Variants in PRRC2C observed in about 807,000 individuals in gnomAD.
PRRC2C encodes protein PRRC2C.
PRRC2C carries 72 observed loss-of-function variants against 317.2 expected under a neutral mutation model. That is an observed-to-expected ratio of 0.23 (90% CI 0.19 to 0.28). The LOEUF (loss-of-function observed/expected upper bound fraction) is 0.28, where lower values mean the gene tolerates loss of function less well. Ranked by LOEUF, PRRC2C falls within the 10% of genes least tolerant of loss-of-function variation. The pLI is 1.00. For synonymous variants in PRRC2C, 1,296 were observed against 1,205.9 expected (o/e 1.07, Z -1.55); for missense variants, 3,074 against 3,459.7 (o/e 0.89, Z 2.80).
In PRRC2C at chr1:171,566,407, A is replaced by G. The variant is rs936135394; in HGVS notation, c.6292A>G (p.Ile2098Val). 49 of 1,575,828 alleles carry G rather than the reference A, an allele frequency of 3.1e-5. No homozygotes were observed. The highest frequency in any genetic ancestry group is 4.0e-5 in the Non-Finnish European group (46 of 1,160,446). ...GCAGAAGCAGCCACGAGCAGGACCT[A>G]TCAAAGCCCAGAAGGTAAATATACT... Reference protein sequence around the residue: ...QRQKQPRAGPIKAQKLPDLSP... With the variant: ...QRQKQPRAGPVKAQKLPDLSP... The change falls in exon 21 of 35, where the codon ATC (isoleucine) becomes GTC (valine). Residue 2098 changes from isoleucine (I) to valine (V), a missense_variant. By Grantham distance (29) the Ile-to-Val change is conservative. Coordinates refer to ENST00000647382, the MANE Select transcript of PRRC2C (RefSeq NM_001387844.1).
At chr1:171,553,078 A>G (rs951007589) in intron 18 of PRRC2C, among the ~76,000 whole-genome samples, 1 of 152,148 alleles carries the variant, frequency 6.6e-6, no homozygotes, top group African/African-American at 2.4e-5. Flanking sequence ...TCAGCTCTGA[A>G]TCTGTCTGGC....
chr1:171,493,072 T>G (rs1023250054), intron 1 of PRRC2C, among the ~76,000 whole-genome samples: 2 of 48,848 alleles, frequency 4.1e-5, no homozygotes, highest in African/African-American at 1.5e-4. Context: ...TAAAATAAAA[T>G]AAAATAATAA....
At chr1:171,585,525 T>C (rs752339911) in intron 30 of PRRC2C, among the ~76,000 whole-genome samples, 1 of 152,232 alleles carries the variant, frequency 6.6e-6, no homozygotes, top group Non-Finnish European at 1.5e-5. Context: ...GAATATCTTA[T>C]TGACATTCAG....
Position 171,517,583 on chromosome 1 carries a change from C to T in PRRC2C, c.527-8C>T. On this transcript the variant is annotated splice_region_variant and splice_polypyrimidine_tract_variant and intron_variant, in intron 5 of 34. Transcript: ENST00000647382. ...ATCTTTTTCCTTTTTTCTCTGCCTT[C>T]ATACTAGATGTTGCTTGTTGGAGAG... 6.2e-7 allele frequency: 1 copy of T among 1,606,734 alleles called. No homozygotes were observed. Among genetic ancestry groups the T allele is most frequent in the South Asian group, 1.1e-5 (1 of 90,672 alleles).
rs935405344 is a variant in PRRC2C at position 171,592,113 on chromosome 1, A to G, written c.*266A>G. 2.9e-5 allele frequency: 10 copies of G among 340,394 alleles called. No homozygotes were observed. Among genetic ancestry groups the G allele is most frequent in the Non-Finnish European group, 5.3e-5 (10 of 189,616 alleles). 21.1% of individuals were successfully genotyped at this position (340,394 alleles called of 1,614,324 possible). On this transcript the variant is annotated 3_prime_UTR_variant, in exon 35 of 35. Coordinates refer to ENST00000647382, the MANE Select transcript of PRRC2C (RefSeq NM_001387844.1). ...TCAGTCAGAATTTATATATAAATGTATGCACCCATTTTTTTGAGTGCATAT... is the reference window on the plus strand; with the variant it reads ...TCAGTCAGAATTTATATATAAATGTGTGCACCCATTTTTTTGAGTGCATAT...
chr1:171,560,122 C>T (rs1423578521), intron 19 of PRRC2C, among the ~76,000 whole-genome samples: 1 of 152,176 alleles, frequency 6.6e-6, no homozygotes, highest in African/African-American at 2.4e-5. Context: ...AATTTGAAAA[C>T]CATGTGGAAA....
chr1:171,506,538 A>T (rs73038371), intron 1 of PRRC2C, among the ~76,000 whole-genome samples: 3 of 147,958 alleles, frequency 2.0e-5, no homozygotes, highest in African/African-American at 4.9e-5. Context: ...AAGCCCCTCT[A>T]TGTGTAACAC....
chr1:171,501,420 C>T (rs114356745), intron 1 of PRRC2C, among the ~76,000 whole-genome samples: 18 of 152,182 alleles, frequency 1.2e-4, no homozygotes, highest in Non-Finnish European at 2.4e-4. Flanking sequence ...TGTGAGCCAC[C>T]ACTCCCAGCT....
chr1:171,543,165 C>T (rs1306131547), intron 16 of PRRC2C, among the ~76,000 whole-genome samples: 1 of 149,670 alleles, frequency 6.7e-6, no homozygotes, highest in Non-Finnish European at 1.5e-5. Flanking sequence ...GTCAGGATAT[C>T]GAGACCATCC....
At chr1:171,584,273 G>A in intron 29 of PRRC2C, 86 bp downstream of exon 29, 1 of 1,391,102 alleles carries the variant, frequency 7.2e-7, no homozygotes, top group Non-Finnish European at 9.9e-7. Flanking sequence ...AAGAAAACAT[G>A]TTAGAAGATG....
intron 7 of PRRC2C, 92 bp downstream of exon 7, chr1:171,522,351 A>G: frequency 1.2e-6 from 1 of 838,298 alleles, no homozygotes; most frequent in South Asian, 1.8e-5. Flanking sequence ...TGAGTTGTGT[A>G]ATTGATCGTT....
chr1:171,568,405 A>G (rs1684079784), intron 23 of PRRC2C, 66 bp downstream of exon 23: 1 of 1,535,012 alleles, frequency 6.5e-7, no homozygotes. Context: ...CAAGCACATT[A>G]TTTCATGTTT....
At chr1:171,490,626 A>G (rs765424782) in intron 1 of PRRC2C, among the ~76,000 whole-genome samples, 3 of 152,232 alleles carry the variant, frequency 2.0e-5, no homozygotes, top group Non-Finnish European at 4.4e-5. Flanking sequence ...GAAGGAAGTC[A>G]CTATAGAAAT....
intron 1 of PRRC2C, among the ~76,000 whole-genome samples, chr1:171,489,023 C>T (rs1190859758): frequency 6.6e-6 from 1 of 152,082 alleles, no homozygotes; most frequent in Non-Finnish European, 1.5e-5. Flanking sequence ...TTTCTGTTTT[C>T]TGTGTTCTAA....
intron 20 of PRRC2C, among the ~76,000 whole-genome samples, chr1:171,562,738 G>A (rs543155875): frequency 6.6e-6 from 1 of 152,262 alleles, no homozygotes; most frequent in African/African-American, 2.4e-5. Flanking sequence ...CCTCTGAGTG[G>A]AAATGTAGTT....
chr1:171,579,633 A>G (rs235488), intron 27 of PRRC2C, among the ~76,000 whole-genome samples, 167 bp downstream of exon 27: 24,048 of 152,252 alleles, frequency 0.16, 1,967 homozygotes, highest in Middle Eastern at 0.29. Context: ...ACCAAAGCTT[A>G]ATAGTAATAA....
chr1:171,587,551 C>A, intron 31 of PRRC2C, 97 bp from the exon 32 acceptor site: 1 of 839,860 alleles, frequency 1.2e-6, no homozygotes, highest in Non-Finnish European at 1.9e-6. Context: ...GTTCTTTGCC[C>A]TTTCCTAGAT....
chr1:171,506,054 A>G (rs1229867130), intron 1 of PRRC2C, among the ~76,000 whole-genome samples: 1 of 152,160 alleles, frequency 6.6e-6, no homozygotes, highest in African/African-American at 2.4e-5. Flanking sequence ...GTAAGTACAC[A>G]CTATGATGAC....
chr1:171,578,347 G>T (rs1558041285), intron 26 of PRRC2C, among the ~76,000 whole-genome samples: 1 of 151,944 alleles, frequency 6.6e-6, no homozygotes, highest in African/African-American at 2.4e-5. Context: ...GACCCTAGGA[G>T]TTCAAGACCA....
Sources: allele counts gnomAD v4.1 joint callset (sites outside exome capture counted in the v4.1 genomes callset), GRCh38; gene constraint gnomAD v4.1.1; transcripts MANE v1.5; gene names NCBI Gene and HGNC (gene_info 2026-07-23, HGNC 2026-07-21).